Variants in GPC6 observed in about 807,000 individuals in gnomAD.
GPC6 encodes the protein glypican 6, also known as glypican-6.
In GPC6, 14 loss-of-function variants were observed where a neutral mutation model predicts 55.2. That is an observed-to-expected ratio of 0.25 (90% CI 0.17 to 0.40). The LOEUF is 0.40. Among genes scored for constraint, GPC6 ranks in the 10% least tolerant of loss-of-function variants. The pLI is 1.00. For missense variants in GPC6, 641 were observed against 708.5 expected, an observed-to-expected ratio of 0.90 and a Z score of 1.08; for synonymous variants, 278 against 259.6, an observed-to-expected ratio of 1.07 and a Z score of -0.68.
At chr13:93,863,192 C>T (rs1009561915) in intron 3 of GPC6, among the ~76,000 whole-genome samples, 2 of 151,660 alleles carry the variant, frequency 1.3e-5, no homozygotes, top group Non-Finnish European at 3.0e-5. Context: ...CAAACTACAG[C>T]CTGAAGACCA....
intron 4 of GPC6, among the ~76,000 whole-genome samples, chr13:94,038,624 G>A (rs1304737913): frequency 6.6e-6 from 1 of 151,816 alleles, no homozygotes; most frequent in Non-Finnish European, 1.5e-5. Context: ...CCAGCAACTG[G>A]AGATAATAGT....
chr13:93,926,992 G>A (rs1877893733), intron 3 of GPC6, among the ~76,000 whole-genome samples: 1 of 152,266 alleles, frequency 6.6e-6, no homozygotes, highest in East Asian at 1.9e-4. Flanking sequence ...GTAGTTTTCT[G>A]TATAATGTTC....
rs139810935 is a variant in GPC6 at position 93,865,677 on chromosome 13, A to G, written c.711+35132A>G. Among the ~76,000 whole-genome samples the G allele has an allele frequency of 9.2e-4, 140 of 151,844 alleles. 1 individual carries two copies. The highest frequency in any genetic ancestry group is 3.2e-3 in the African/African-American group (134 of 41,516). The stretch of plus-strand genomic sequence containing the variant: ...TCTCTCATCAAGGCACATGATAATA[A>G]AGATATTGATTCTCATGCCCTGCAA... On this transcript the variant is annotated intron_variant, in intron 3 of 8. Transcript: ENST00000377047.
At position 94,044,216 on chromosome 13, in the gene GPC6, G is replaced by A. The variant is rs149055858; in HGVS notation, c.877+16322G>A. ...TATCTTTCCTGTACTTCTTTTGCAC[G>A]TATAAGTAGATATGTGTGTATTTGA... On this transcript the variant is annotated intron_variant, in intron 4 of 8. Coordinates refer to ENST00000377047, the MANE Select transcript of GPC6 (RefSeq NM_005708.5). Among the ~76,000 whole-genome samples the A allele has an allele frequency of 4.4e-3, 669 of 151,864 alleles. 3 individuals are homozygous for A. The highest frequency in any genetic ancestry group is 0.016 in the African/African-American group (644 of 41,466).
At chr13:93,687,926 C>G (rs761711021) in intron 2 of GPC6, among the ~76,000 whole-genome samples, 1 of 151,286 alleles carries the variant, frequency 6.6e-6, no homozygotes, top group Non-Finnish European at 1.5e-5. Context: ...GTTTATTTCT[C>G]TCTTATACAA....
At chr13:94,162,429 T>C (rs10129085) in intron 4 of GPC6, among the ~76,000 whole-genome samples, 60,020 of 152,012 alleles carry the variant, frequency 0.39, 13,018 homozygotes, top group African/African-American at 0.58. Flanking sequence ...CCTCAGCAAA[T>C]GTTTCTTCTC....
chr13:93,948,235 T>C (rs1879101527), intron 3 of GPC6, among the ~76,000 whole-genome samples: 1 of 152,198 alleles, frequency 6.6e-6, no homozygotes, highest in Admixed American at 6.5e-5. Context: ...TAAATGATTA[T>C]ATTCCTCCTA....
intron 4 of GPC6, among the ~76,000 whole-genome samples, chr13:94,104,080 C>T (rs2138829964): frequency 6.6e-6 from 1 of 152,294 alleles, no homozygotes; most frequent in Non-Finnish European, 1.5e-5. Context: ...AGGAAGGGAT[C>T]CAGTTTCAGC....
At chr13:93,507,675 C>T (rs972633706) in intron 1 of GPC6, among the ~76,000 whole-genome samples, 2 of 152,052 alleles carry the variant, frequency 1.3e-5, no homozygotes, top group Admixed American at 6.5e-5. Flanking sequence ...ACATGAGTGA[C>T]ATGAGTCAGT....
chr13:93,892,731 T>G (rs1875763878), intron 3 of GPC6, among the ~76,000 whole-genome samples: 1 of 152,138 alleles, frequency 6.6e-6, no homozygotes, highest in African/African-American at 2.4e-5. Context: ...GTAATCTGCT[T>G]TCTTCACTCA....
chr13:94,303,602 T>G (rs1875779058), intron 5 of GPC6, among the ~76,000 whole-genome samples: 1 of 152,118 alleles, frequency 6.6e-6, no homozygotes, highest in African/African-American at 2.4e-5. Context: ...TGTGGCCAGG[T>G]GTTGTTTCCA....
chr13:93,422,580 T>C (rs1377771079), intron 1 of GPC6, among the ~76,000 whole-genome samples: 1 of 152,200 alleles, frequency 6.6e-6, no homozygotes, highest in Non-Finnish European at 1.5e-5. Flanking sequence ...CAGTCTTTTT[T>C]CTTTGCGTAT....
intron 3 of GPC6, among the ~76,000 whole-genome samples, chr13:93,979,019 T>C (rs965107713): frequency 1.3e-5 from 2 of 152,166 alleles, no homozygotes; most frequent in African/African-American, 2.4e-5. Context: ...ACTAAAGATA[T>C]AGAATGTTAT....
chr13:93,712,929 A>T (rs1362870865), intron 2 of GPC6, among the ~76,000 whole-genome samples: 3 of 151,506 alleles, frequency 2.0e-5, no homozygotes, highest in Non-Finnish European at 4.4e-5. Context: ...GCCGCATTTT[A>T]AAAAAATTTC....
chr13:94,158,127 C>A (rs1270355947), intron 4 of GPC6, among the ~76,000 whole-genome samples: 1 of 152,152 alleles, frequency 6.6e-6, no homozygotes, highest in African/African-American at 2.4e-5. Context: ...TTAGGGCTTG[C>A]TTAAGAGTTT....
chr13:93,224,043 T>C (rs1338174410), upstream of GPC6, among the ~76,000 whole-genome samples: 78 of 151,252 alleles, frequency 5.2e-4, no homozygotes, highest in African/African-American at 1.9e-3. Flanking sequence ...GGGACTGCAG[T>C]GCCGGCCACC....
At chr13:93,694,079 G>A (rs1292543414) in intron 2 of GPC6, among the ~76,000 whole-genome samples, 1 of 152,114 alleles carries the variant, frequency 6.6e-6, no homozygotes, top group Non-Finnish European at 1.5e-5. Context: ...CATTTATGAA[G>A]GAGAAACAGC....
At chr13:94,362,877 C>T (rs1182292044) in intron 6 of GPC6, among the ~76,000 whole-genome samples, 1 of 152,134 alleles carries the variant, frequency 6.6e-6, no homozygotes, top group Non-Finnish European at 1.5e-5. Context: ...TTAGATTCAA[C>T]AAAAACTTTA....
At chr13:93,476,045 C>T (rs1366520349) in intron 1 of GPC6, among the ~76,000 whole-genome samples, 1 of 151,674 alleles carries the variant, frequency 6.6e-6, no homozygotes, top group East Asian at 1.9e-4. Context: ...GGATAGTCAC[C>T]TGACTGATTT....
Sources: allele counts gnomAD v4.1 joint callset (sites outside exome capture counted in the v4.1 genomes callset), GRCh38; gene constraint gnomAD v4.1.1; transcripts MANE v1.5; gene names NCBI Gene and HGNC (gene_info 2026-07-23, HGNC 2026-07-21).